The following DMD variants were observed in gnomAD, a reference collection of about 807,000 sequenced individuals.
The protein encoded by DMD is dystrophin.
In DMD, 63 loss-of-function variants were observed where a neutral mutation model predicts 330.1. The ratio of observed to expected loss-of-function variants is 0.19; its 90% CI spans 0.16 to 0.24. The LOEUF (loss-of-function observed/expected upper bound fraction) is 0.24. Among genes scored for constraint, DMD ranks in the 10% least tolerant of loss-of-function variants. DMD has a pLI of 1.00. For synonymous variants in DMD, 1,223 were observed against 959.8 expected, an observed-to-expected ratio of 1.27 and a Z score of -5.07; for missense variants, 3,344 against 2,684.1, an observed-to-expected ratio of 1.25 and a Z score of -5.43.
chrX:31,803,881 TAG>T (rs774680421), intron 50 of DMD, among the ~76,000 whole-genome samples: 1 of 110,015 alleles, frequency 9.1e-6, no homozygotes, highest in East Asian at 2.9e-4. Flanking sequence ...GTATTTTTAG[TAG>T]AGACACGGTT....
chrX:32,966,634 G>C (rs1043981929), intron 2 of DMD, among the ~76,000 whole-genome samples: 1 of 111,676 alleles, frequency 9.0e-6, no homozygotes, highest in African/African-American at 3.3e-5. Context: ...CATGCAGACT[G>C]AAAGAACCAA....
rs769469751 is a variant in DMD, at chrX:31,746,636, C to T, written c.7543-16888G>A. 5.4e-5 allele frequency among the ~76,000 whole-genome samples: 6 copies of T among 111,340 alleles called. No individual in the cohort carries two copies. The East Asian group carries it at 1.4e-3, about 26-fold the overall frequency. ...TATATTTAATCCATGAGGTTTCAGC[C>T]TTCTGATTTTGCCAAATTCTGAGTG... On this transcript the variant is annotated intron_variant, in intron 51 of 78. Transcript: ENST00000357033.
intron 76 of DMD, among the ~76,000 whole-genome samples, chrX:31,135,176 A>G: frequency 8.9e-6 from 1 of 112,656 alleles, no homozygotes; most frequent in Non-Finnish European, 1.9e-5. Flanking sequence ...AATAAGTATT[A>G]CTGCACACTT....
chrX:31,911,746 G>C (rs149501316), intron 47 of DMD, among the ~76,000 whole-genome samples: 249 of 111,325 alleles, frequency 2.2e-3, no homozygotes, highest in African/African-American at 7.5e-3. Context: ...TTGAAGATGA[G>C]GGGCGTAGTG....
In DMD at chrX:31,555,990, C is replaced by T. The variant is rs146160475; in HGVS notation, c.8218-48537G>A. Reference sequence around the variant, plus strand: ...GTAGTATACTTGAAGGCCATCATTGCATTTAAGTAATTCCCCAGATGACAG... The same window carrying T: ...GTAGTATACTTGAAGGCCATCATTGTATTTAAGTAATTCCCCAGATGACAG... On this transcript the variant is annotated intron_variant, in intron 55 of 78. Transcript: ENST00000357033. Among the ~76,000 whole-genome samples, 146 of 111,376 alleles carry T rather than the reference C, an allele frequency of 1.3e-3. 1 individual carries two copies. The East Asian group carries it at 0.016, about 12-fold the overall frequency.
At chrX:32,563,257 G>A (rs758100195) in intron 16 of DMD, among the ~76,000 whole-genome samples, 2 of 103,978 alleles carry the variant, frequency 1.9e-5, no homozygotes, top group African/African-American at 7.1e-5. Flanking sequence ...GCAGGAGAAC[G>A]GTGTGAACCC....
At chrX:32,664,951 G>C (rs1280714307) in intron 9 of DMD, among the ~76,000 whole-genome samples, 1 of 111,720 alleles carries the variant, frequency 9.0e-6, no homozygotes, top group African/African-American at 3.3e-5. Flanking sequence ...AATCAAAGCA[G>C]ATGCTAGAAA....
intron 52 of DMD, among the ~76,000 whole-genome samples, chrX:31,718,204 T>G (rs1487193427): frequency 1.8e-5 from 2 of 112,134 alleles, no homozygotes; most frequent in African/African-American, 6.5e-5. Context: ...CCTATTTTTT[T>G]CAAGGCCCTC....
chrX:31,169,403 C>T (rs1461151253), intron 74 of DMD, 40 bp downstream of exon 74: 4 of 1,082,588 alleles, frequency 3.7e-6, no homozygotes, highest in Non-Finnish European at 3.8e-6. Context: ...CAAGTGTATG[C>T]ACTCTGCATA....
At chrX:31,599,041 A>G (rs1004956311) in intron 55 of DMD, among the ~76,000 whole-genome samples, 5 of 112,125 alleles carry the variant, frequency 4.5e-5, no homozygotes, top group African/African-American at 1.3e-4. Context: ...CGATGTATAG[A>G]AAGATTTTCT....
chrX:32,384,302 A>C (rs2097943886), intron 33 of DMD, among the ~76,000 whole-genome samples: 1 of 110,357 alleles, frequency 9.1e-6, no homozygotes, highest in Non-Finnish European at 1.9e-5. Context: ...TATCAAGTGC[A>C]GATACAATTT....
intron 48 of DMD, among the ~76,000 whole-genome samples, chrX:31,871,445 G>T (rs900248084): frequency 9.0e-6 from 1 of 110,583 alleles, no homozygotes; most frequent in African/African-American, 3.3e-5. Context: ...ATCAATAAGA[G>T]TGAAGTACCA....
rs186327833 is a variant in DMD, at chrX:31,747,266, C to G, written c.7543-17518G>C. ...GTAAGAGCAAATTTCTATAATAAAA[C>G]AATGATTCTGCTTCTCTGTCAAAAA... is the stretch of plus-strand genomic sequence containing the variant. On this transcript the variant is annotated intron_variant, in intron 51 of 78. Coordinates refer to ENST00000357033, the MANE Select transcript of DMD (RefSeq NM_004006.3). Among the ~76,000 whole-genome samples the G allele has an allele frequency of 4.5e-5, 5 of 111,643 alleles. No homozygotes were observed. The Admixed American group carries it at 4.8e-4, about 11-fold the overall frequency.
At chrX:32,462,961 A>G (rs1419934554) in intron 25 of DMD, among the ~76,000 whole-genome samples, 1 of 111,449 alleles carries the variant, frequency 9.0e-6, no homozygotes, top group East Asian at 2.8e-4. Flanking sequence ...CCCTGTCCCA[A>G]AAAATAAAAT....
chrX:32,480,994 A>G (rs1448199061), intron 21 of DMD, among the ~76,000 whole-genome samples: 1 of 110,922 alleles, frequency 9.0e-6, no homozygotes, highest in Non-Finnish European at 1.9e-5. Context: ...TAAAATTTTA[A>G]TAAAGTAAAT....
intron 1 of DMD, among the ~76,000 whole-genome samples, chrX:33,251,058 A>T (rs949926803): frequency 9.0e-6 from 1 of 110,655 alleles, no homozygotes; most frequent in Non-Finnish European, 1.9e-5. Context: ...CATGGTGTTT[A>T]TTTTTTCTAC....
At chrX:31,319,693 G>C (rs1036331896) in intron 62 of DMD, among the ~76,000 whole-genome samples, 1 of 112,521 alleles carries the variant, frequency 8.9e-6, no homozygotes, top group Non-Finnish European at 1.9e-5. Flanking sequence ...CTGTTGGTCT[G>C]ACCCAGTGTG....
chrX:32,639,152 A>G, intron 11 of DMD, among the ~76,000 whole-genome samples: 1 of 112,061 alleles, frequency 8.9e-6, no homozygotes, highest in African/African-American at 3.2e-5. Flanking sequence ...AGAAAAGTTG[A>G]TGGAACTTGC....
chrX:32,610,948 A>C (rs1475971071), intron 12 of DMD, among the ~76,000 whole-genome samples: 1 of 111,350 alleles, frequency 9.0e-6, no homozygotes, highest in Non-Finnish European at 1.9e-5. Flanking sequence ...CAGTTACCCA[A>C]AGAAGTAACA....
Sources: allele counts gnomAD v4.1 joint callset (sites outside exome capture counted in the v4.1 genomes callset), GRCh38; gene constraint gnomAD v4.1.1; transcripts MANE v1.5; gene names NCBI Gene and HGNC (gene_info 2026-07-23, HGNC 2026-07-21).